Variants in GPC6 observed in about 807,000 individuals in gnomAD.
GPC6 encodes glypican-6.
GPC6 carries 14 observed loss-of-function variants against 55.2 expected under a neutral mutation model. The observed-to-expected ratio is 0.25, with a 90% CI of 0.17 to 0.40. GPC6 has a LOEUF of 0.40. GPC6 is among the 10% of genes least tolerant of loss of function. The probability of loss-of-function intolerance (pLI) is 1.00; values close to 1 mark genes in which losing one functional copy is unlikely to be tolerated. For missense variants in GPC6, 641 were observed against 708.5 expected (o/e 0.90, Z 1.08); for synonymous variants, 278 against 259.6 (o/e 1.07, Z -0.68).
At chr13:93,812,125 T>C (rs1886711381) in intron 2 of GPC6, among the ~76,000 whole-genome samples, 1 of 75,794 alleles carries the variant, frequency 1.3e-5, no homozygotes, top group African/African-American at 4.7e-5. Context: ...TCCCAGCACT[T>C]TGGGAGTGCA....
At chr13:93,747,918 A>G (rs983900705) in intron 2 of GPC6, among the ~76,000 whole-genome samples, 1 of 152,086 alleles carries the variant, frequency 6.6e-6, no homozygotes, top group African/African-American at 2.4e-5. Flanking sequence ...CGGGCCTTTC[A>G]GGGGAGGGTC....
chr13:93,570,820 T>G (rs1033381402), intron 2 of GPC6, among the ~76,000 whole-genome samples: 1 of 152,116 alleles, frequency 6.6e-6, no homozygotes, highest in Non-Finnish European at 1.5e-5. Context: ...AATGAAACAA[T>G]TCTTTCAAAT....
intron 2 of GPC6, among the ~76,000 whole-genome samples, chr13:93,829,291 T>A (rs1422128518): frequency 6.6e-6 from 1 of 152,164 alleles, no homozygotes; most frequent in Non-Finnish European, 1.5e-5. Context: ...ACAAAGTGTG[T>A]CTTGAGGGAG....
intron 1 of GPC6, among the ~76,000 whole-genome samples, chr13:93,237,815 A>T (rs1452704730): frequency 1.3e-5 from 2 of 152,110 alleles, no homozygotes; most frequent in African/African-American, 4.8e-5. Flanking sequence ...CCATTTGTTG[A>T]ATAGGGTGTA....
intron 2 of GPC6, among the ~76,000 whole-genome samples, chr13:93,802,784 AAAAATAAATAT>A (rs1886419478): frequency 2.6e-5 from 4 of 152,210 alleles, no homozygotes; most frequent in Non-Finnish European, 5.9e-5. Flanking sequence ...ATGACCTATG[AAAAATAAATAT>A]ATTTGAAGCA....
At chr13:93,838,293 A>G (rs1013303086) in intron 3 of GPC6, among the ~76,000 whole-genome samples, 1 of 152,176 alleles carries the variant, frequency 6.6e-6, no homozygotes, top group Non-Finnish European at 1.5e-5. Flanking sequence ...ATATGAACCA[A>G]TGGAAATACA....
intron 1 of GPC6, among the ~76,000 whole-genome samples, chr13:93,367,102 T>G (rs537691136): frequency 1.3e-5 from 2 of 152,186 alleles, no homozygotes; most frequent in African/African-American, 4.8e-5. Flanking sequence ...CAAAAAACAT[T>G]TCTTTGCTTA....
At chr13:93,230,939 C>T (rs968616370) in intron 1 of GPC6, among the ~76,000 whole-genome samples, 2 of 152,040 alleles carry the variant, frequency 1.3e-5, no homozygotes, top group African/African-American at 4.8e-5. Context: ...TTAACAGTGA[C>T]TTATTGGCCT....
intron 4 of GPC6, among the ~76,000 whole-genome samples, chr13:94,283,642 A>T (rs1387974801): frequency 2.0e-5 from 3 of 152,348 alleles, no homozygotes; most frequent in African/African-American, 7.2e-5. Context: ...TATTTCTAAT[A>T]TATCTAAATT....
intron 1 of GPC6, among the ~76,000 whole-genome samples, chr13:93,534,107 A>G (rs1176776849): frequency 2.6e-5 from 4 of 152,132 alleles, no homozygotes; most frequent in Non-Finnish European, 5.9e-5. Context: ...AGATGGGTGA[A>G]AAACCCAAAA....
chr13:93,450,705 TC>T (rs1488425365), intron 1 of GPC6: 1 of 971,314 alleles, frequency 1.0e-6, no homozygotes, highest in East Asian at 1.1e-4. Flanking sequence ...CTCCAACACT[TC>T]CCACTTTTTA....
chr13:93,845,829 G>C (rs1594516736), intron 3 of GPC6, among the ~76,000 whole-genome samples: 1 of 124,398 alleles, frequency 8.0e-6, no homozygotes, highest in Admixed American at 9.8e-5. Context: ...TCTGGGGACT[G>C]TTGTGGGGTG....
chr13:93,659,656 C>T (rs1254584506), intron 2 of GPC6, among the ~76,000 whole-genome samples: 1 of 152,000 alleles, frequency 6.6e-6, no homozygotes, highest in Non-Finnish European at 1.5e-5. Flanking sequence ...GGATTCATTA[C>T]ATATAATATC....
chr13:93,485,145 C>A (rs867754792), intron 1 of GPC6, among the ~76,000 whole-genome samples: 2 of 152,104 alleles, frequency 1.3e-5, no homozygotes, highest in African/African-American at 4.8e-5. Flanking sequence ...GGAATTAATT[C>A]TTGGACTAAG....
chr13:94,282,282 C>T (rs1389501898), intron 4 of GPC6, among the ~76,000 whole-genome samples: 1 of 152,064 alleles, frequency 6.6e-6, no homozygotes, highest in Admixed American at 6.5e-5. Context: ...AGGAAACTTA[C>T]AATCATGGCA....
chr13:94,242,381 A>G (rs1347120025), intron 4 of GPC6, among the ~76,000 whole-genome samples: 1 of 152,118 alleles, frequency 6.6e-6, no homozygotes, highest in East Asian at 1.9e-4. Flanking sequence ...TGACCCAGCC[A>G]TCCCAGTACT....
At chr13:94,133,286 A>C (rs1299027528) in intron 4 of GPC6, among the ~76,000 whole-genome samples, 6 of 151,468 alleles carry the variant, frequency 4.0e-5, no homozygotes, top group East Asian at 1.9e-4. Flanking sequence ...AAAAAAAAAA[A>C]AAAAAACCTT....
chr13:93,962,456 C>G (rs541661685), intron 3 of GPC6, among the ~76,000 whole-genome samples: 2 of 152,088 alleles, frequency 1.3e-5, no homozygotes, highest in South Asian at 2.1e-4. Context: ...CCTGGATTCT[C>G]TCTTGTTCAT....
chr13:93,340,225 G>A (rs1452634882), intron 1 of GPC6, among the ~76,000 whole-genome samples: 3 of 151,612 alleles, frequency 2.0e-5, no homozygotes, highest in African/African-American at 4.8e-5. Flanking sequence ...TAGTAGAGAC[G>A]GGGTTTCACC....
Sources: allele counts gnomAD v4.1 joint callset (sites outside exome capture counted in the v4.1 genomes callset), GRCh38; gene constraint gnomAD v4.1.1; transcripts MANE v1.5; gene names NCBI Gene and HGNC (gene_info 2026-07-23, HGNC 2026-07-21).